Variants in DOCK1 observed in about 807,000 individuals in gnomAD.
DOCK1 encodes dedicator of cytokinesis protein 1.
Under a neutral mutation model 262.7 loss-of-function variants are expected in DOCK1, and 138 were observed. The observed-to-expected ratio is 0.53, with a 90% CI of 0.46 to 0.61. DOCK1 has a LOEUF of 0.61. Among genes scored for constraint, DOCK1 ranks in the 20% least tolerant of loss-of-function variants. The probability of loss-of-function intolerance (pLI) is 0.00; values close to 1 mark genes in which losing one functional copy is unlikely to be tolerated. For synonymous variants in DOCK1, 866 were observed against 867.4 expected, an observed-to-expected ratio of 1.00 and a Z score of 0.03; for missense variants, 1,908 against 2,370.7, an observed-to-expected ratio of 0.80 and a Z score of 4.05.
At chr10:126,948,983 A>C (rs2035909037) in intron 1 of DOCK1, among the ~76,000 whole-genome samples, 1 of 151,540 alleles carries the variant, frequency 6.6e-6, no homozygotes, top group Non-Finnish European at 1.5e-5. Flanking sequence ...GCCCGGGCCC[A>C]CCCCCTGGAC....
chr10:126,906,425 T>C (rs11245221), intron 1 of DOCK1, among the ~76,000 whole-genome samples: 146,232 of 152,248 alleles, frequency 0.96, 70,524 homozygotes, highest in East Asian at 1. Flanking sequence ...CTTCGTGATC[T>C]GCGCGCCTGG....
At chr10:127,321,102 G>A (rs948845929) in intron 29 of DOCK1, among the ~76,000 whole-genome samples, 21 of 152,164 alleles carry the variant, frequency 1.4e-4, no homozygotes, top group Admixed American at 3.3e-4. Context: ...TGTTGATGGC[G>A]CCCTTGCTGT....
intron 47 of DOCK1, among the ~76,000 whole-genome samples, chr10:127,430,947 G>A (rs2069243180): frequency 6.6e-6 from 1 of 152,210 alleles, no homozygotes; most frequent in Non-Finnish European, 1.5e-5. Context: ...TGGAATGAGT[G>A]TTTGCTCAGG....
At chr10:126,976,154 T>C (rs1477841187) in intron 2 of DOCK1, among the ~76,000 whole-genome samples, 1 of 152,216 alleles carries the variant, frequency 6.6e-6, no homozygotes, top group Non-Finnish European at 1.5e-5. Context: ...GTGTCATAGA[T>C]GGGCTTTGAT....
At position 127,175,807 on chromosome 10, in the gene DOCK1, T is replaced by C; in HGVS notation, c.2847+48043T>C. ...CCATAGCTGAGCGGCTCCGGGCTTT[T>C]ACAGGGCTCTGTGCAGTTGACCCCC... On this transcript the variant is annotated intron_variant, in intron 27 of 51. Transcript: ENST00000623213. This position sits in a 1 kb window ranked among gnomAD's most constrained non-coding sequence, Gnocchi z 6.3. 6.2e-7 allele frequency: 1 copy of C among 1,614,152 alleles called. No homozygotes were observed. The highest frequency in any genetic ancestry group is 8.5e-7 in the Non-Finnish European group (1 of 1,180,022).
At chr10:126,925,048 A>T (rs1242502173) in intron 1 of DOCK1, among the ~76,000 whole-genome samples, 1 of 152,214 alleles carries the variant, frequency 6.6e-6, no homozygotes, top group East Asian at 1.9e-4. Context: ...CTGGTTTAGA[A>T]AATTCTCACT....
At chr10:127,444,835 A>G (rs923210199) in intron 50 of DOCK1, among the ~76,000 whole-genome samples, 1 of 151,984 alleles carries the variant, frequency 6.6e-6, no homozygotes, top group African/African-American at 2.4e-5. Flanking sequence ...GCTCCAAGGG[A>G]GAGCCTGTCC....
intron 29 of DOCK1, among the ~76,000 whole-genome samples, chr10:127,261,533 A>C (rs1258973328): frequency 1.1e-5 from 1 of 89,662 alleles, no homozygotes; most frequent in Admixed American, 1.2e-4. Context: ...ATGTGTGTGC[A>C]TGTGGGTGTG....
At chr10:126,952,117 G>A (rs991676993) in intron 1 of DOCK1, among the ~76,000 whole-genome samples, 60 of 152,086 alleles carry the variant, frequency 3.9e-4, no homozygotes, top group African/African-American at 1.3e-3. Flanking sequence ...CAGAGGGGTG[G>A]GATTACAGGC....
At chr10:127,045,809 T>C (rs192461034) in intron 21 of DOCK1, among the ~76,000 whole-genome samples, 10 of 152,330 alleles carry the variant, frequency 6.6e-5, no homozygotes, top group African/African-American at 2.4e-4. Flanking sequence ...GGCTCCTTTT[T>C]GTCCACCCTA....
intron 12 of DOCK1, among the ~76,000 whole-genome samples, chr10:127,017,368 G>T (rs1436422646): frequency 6.6e-6 from 1 of 151,320 alleles, no homozygotes; most frequent in East Asian, 1.9e-4. Flanking sequence ...CATAAGCACA[G>T]ATACAGACAC....
At chr10:127,122,098 A>G (rs1393914489) in intron 25 of DOCK1, among the ~76,000 whole-genome samples, 2 of 152,202 alleles carry the variant, frequency 1.3e-5, no homozygotes, top group African/African-American at 4.8e-5. Context: ...ACCTGGGTCC[A>G]GTGGGGGCTG....
intron 38 of DOCK1, among the ~76,000 whole-genome samples, chr10:127,398,237 C>T (rs12269294): frequency 0.054 from 8,186 of 152,294 alleles, 290 homozygotes; most frequent in Middle Eastern, 0.11. Flanking sequence ...TTGAGCACTC[C>T]AGGAGGACCA....
rs149357555 is a variant in DOCK1, at chr10:127,209,710, C to T, written c.2848-38298C>T. On this transcript the variant is annotated intron_variant, in intron 27 of 51. Coordinates refer to ENST00000623213, the MANE Select transcript of DOCK1 (RefSeq NM_001290223.2). The stretch of plus-strand genomic sequence containing the variant: ...GGAAAATGATTCACATCAGTAGGTG[C>T]TCCAGCAGATGTGGAGTAAAAATCA... Among the ~76,000 whole-genome samples, 360 of 152,258 alleles carry T rather than the reference C, an allele frequency of 2.4e-3. 2 individuals are homozygous for T. The highest frequency in any genetic ancestry group is 8.3e-3 in the African/African-American group (345 of 41,540).
intron 13 of DOCK1, 170 bp downstream of exon 13, chr10:127,019,005 G>A: frequency 1.9e-6 from 2 of 1,048,248 alleles, no homozygotes; most frequent in Non-Finnish European, 2.7e-6. Context: ...TGTGACCGGA[G>A]TGGTAGAATA....
At chr10:126,943,327 A>G (rs2035160221) in intron 1 of DOCK1, among the ~76,000 whole-genome samples, 1 of 152,174 alleles carries the variant, frequency 6.6e-6, no homozygotes, top group Admixed American at 6.5e-5. Context: ...TTGGCAAGCT[A>G]ATTTTTCTGA....
chr10:127,442,834 T>C (rs1158290509), intron 49 of DOCK1, among the ~76,000 whole-genome samples: 1 of 152,260 alleles, frequency 6.6e-6, no homozygotes. Context: ...CCGTGTGTCC[T>C]TGCTGGCTAT....
At position 126,986,021 on chromosome 10, in the gene DOCK1, T is replaced by A. The variant is rs539370062; in HGVS notation, c.228-1500T>A. Among the ~76,000 whole-genome samples the A allele has an allele frequency of 2.0e-5, 3 of 152,142 alleles. No homozygotes were observed. In the South Asian group the frequency reaches 6.2e-4, roughly 32 times the overall value. ...CACCATGCCCGGCTGATTTTTTGTA[T>A]TTATTTATTTTTAGTAGAGACGGGG... On this transcript the variant is annotated intron_variant, in intron 4 of 51. Transcript: ENST00000623213.
At chr10:127,068,445 A>G (rs2046002847) in intron 23 of DOCK1, among the ~76,000 whole-genome samples, 1 of 151,890 alleles carries the variant, frequency 6.6e-6, no homozygotes, top group African/African-American at 2.4e-5. Flanking sequence ...CACCTCTCCT[A>G]CAGCAGCTCC....
Sources: allele counts gnomAD v4.1 joint callset (sites outside exome capture counted in the v4.1 genomes callset), GRCh38; gene constraint gnomAD v4.1.1; non-coding constraint Gnocchi (gnomAD v3.1); transcripts MANE v1.5; gene names NCBI Gene and HGNC (gene_info 2026-07-23, HGNC 2026-07-21).